SGCZ: variants seen among roughly 807,000 people sequenced by gnomAD.
SGCZ encodes sarcoglycan zeta, also known as zeta-sarcoglycan.
A neutral mutation model predicts 41.3 loss-of-function variants in SGCZ; 40 were observed. That is an observed-to-expected ratio of 0.97 (90% CI 0.75 to 1.26). The LOEUF (loss-of-function observed/expected upper bound fraction) is 1.26, where lower values mean the gene tolerates loss of function less well. SGCZ is among the 50% of genes most tolerant of loss of function. The pLI is 0.00. For synonymous variants in SGCZ, 206 were observed against 137.5 expected, an observed-to-expected ratio of 1.50 and a Z score of -3.49; for missense variants, 552 against 369.8, an observed-to-expected ratio of 1.49 and a Z score of -4.04.
At chr8:14,677,381 C>G (rs996196328) in intron 1 of SGCZ, among the ~76,000 whole-genome samples, 1 of 152,142 alleles carries the variant, frequency 6.6e-6, no homozygotes, top group African/African-American at 2.4e-5. Flanking sequence ...TTCTTCCCAA[C>G]TTGATTCATA....
intron 2 of SGCZ, among the ~76,000 whole-genome samples, chr8:14,369,282 ACT>A (rs1379370778): frequency 1.3e-5 from 2 of 151,684 alleles, no homozygotes; most frequent in Non-Finnish European, 2.9e-5. Flanking sequence ...CTCTCCTTTG[ACT>A]CTCAGTCTGG....
intron 1 of SGCZ, among the ~76,000 whole-genome samples, chr8:14,778,836 G>A (rs946738748): frequency 1.3e-5 from 2 of 152,214 alleles, no homozygotes; most frequent in Non-Finnish European, 2.9e-5. Context: ...AAGTGATGAA[G>A]AGGATATGAA....
At chr8:14,664,234 C>G (rs1405169708) in intron 1 of SGCZ, among the ~76,000 whole-genome samples, 2 of 152,100 alleles carry the variant, frequency 1.3e-5, no homozygotes, top group Non-Finnish European at 2.9e-5. Flanking sequence ...ATTGAGCACA[C>G]AAAAGGCTGA....
chr8:14,187,556 T>G (rs1804945858), intron 4 of SGCZ, among the ~76,000 whole-genome samples: 1 of 151,632 alleles, frequency 6.6e-6, no homozygotes, highest in African/African-American at 2.4e-5. Context: ...AATTCTGGAG[T>G]TGAGAAATAT....
chr8:14,644,456 C>G (rs1215849306), intron 1 of SGCZ, among the ~76,000 whole-genome samples: 1 of 151,754 alleles, frequency 6.6e-6, no homozygotes, highest in Non-Finnish European at 1.5e-5. Context: ...AAGCCTGCCT[C>G]ATAGATTTTA....
At chr8:14,193,338 T>TG (rs1554475941) in intron 4 of SGCZ, among the ~76,000 whole-genome samples, 1 of 151,362 alleles carries the variant, frequency 6.6e-6, no homozygotes. Flanking sequence ...AGCATGCTAT[T>TG]TTTTTTACAA....
chr8:14,288,656 A>T (rs372746354), intron 3 of SGCZ, among the ~76,000 whole-genome samples: 1 of 152,076 alleles, frequency 6.6e-6, no homozygotes, highest in East Asian at 1.9e-4. Context: ...CATTATATGG[A>T]TTTACCATAT....
At chr8:15,173,372 T>C (rs1240050042) in intron 1 of SGCZ, among the ~76,000 whole-genome samples, 1 of 152,160 alleles carries the variant, frequency 6.6e-6, no homozygotes, top group Non-Finnish European at 1.5e-5. Flanking sequence ...CTCAGTTTTC[T>C]CATCTATAAA....
intron 4 of SGCZ, among the ~76,000 whole-genome samples, chr8:14,200,671 T>C (rs1239365674): frequency 6.6e-6 from 1 of 152,092 alleles, no homozygotes; most frequent in Non-Finnish European, 1.5e-5. Flanking sequence ...AAAAAATAAG[T>C]CAAAATAGAT....
At chr8:14,095,852 T>C (rs1031499307) in intron 7 of SGCZ, among the ~76,000 whole-genome samples, 3 of 152,174 alleles carry the variant, frequency 2.0e-5, no homozygotes, top group Admixed American at 6.6e-5. Flanking sequence ...CGTATTTCAT[T>C]CTCTTTGTAG....
At chr8:14,585,144 C>T (rs1042030349) in intron 1 of SGCZ, among the ~76,000 whole-genome samples, 1 of 152,098 alleles carries the variant, frequency 6.6e-6, no homozygotes, top group Non-Finnish European at 1.5e-5. Context: ...TAAACATTAG[C>T]TTTTTGTTAT....
intron 1 of SGCZ, among the ~76,000 whole-genome samples, chr8:15,036,619 G>C (rs1196954325): frequency 6.6e-6 from 1 of 152,088 alleles, no homozygotes; most frequent in Non-Finnish European, 1.5e-5. Context: ...AAGAAAAGTA[G>C]AGGAACTAAT....
intron 1 of SGCZ, among the ~76,000 whole-genome samples, chr8:15,174,046 G>C (rs535904809): frequency 3.3e-5 from 5 of 152,064 alleles, no homozygotes; most frequent in Non-Finnish European, 7.3e-5. Context: ...ATTCTTTTTA[G>C]TGTGCACTTC....
chr8:14,592,638 G>A (rs1297524896), intron 1 of SGCZ, among the ~76,000 whole-genome samples: 1 of 151,548 alleles, frequency 6.6e-6, no homozygotes, highest in Non-Finnish European at 1.5e-5. Flanking sequence ...AAACTTTTAA[G>A]CAAAACAAAT....
At chr8:14,697,119 G>C (rs1368684499) in intron 1 of SGCZ, among the ~76,000 whole-genome samples, 1 of 151,816 alleles carries the variant, frequency 6.6e-6, no homozygotes, top group African/African-American at 2.4e-5. Context: ...CCATCTCCCT[G>C]GTATAACAAA....
At position 14,398,094 on chromosome 8, in the gene SGCZ, A is replaced by C. The variant is rs572099545; in HGVS notation, c.235-73890T>G. Among the ~76,000 whole-genome samples, 25 of 152,194 alleles carry C rather than the reference A, an allele frequency of 1.6e-4. No individual in the cohort carries two copies. The East Asian group carries it at 4.8e-3, about 29-fold the overall frequency. On this transcript the variant is annotated intron_variant, in intron 2 of 7. Transcript: ENST00000382080. Reference sequence around the variant, plus strand: ...TCAAGGGACCCTTTTTGTGACCCTCAATTGACATCAAGTAGTCTAGATTTT... The same window carrying C: ...TCAAGGGACCCTTTTTGTGACCCTCCATTGACATCAAGTAGTCTAGATTTT...
At chr8:14,552,738 G>T (rs1803910451) in intron 2 of SGCZ, among the ~76,000 whole-genome samples, 1 of 152,036 alleles carries the variant, frequency 6.6e-6, no homozygotes, top group African/African-American at 2.4e-5. Flanking sequence ...TCCAGCCTTG[G>T]TGTCAGCATG....
At chr8:14,661,421 A>T (rs892654617) in intron 1 of SGCZ, among the ~76,000 whole-genome samples, 4 of 152,130 alleles carry the variant, frequency 2.6e-5, no homozygotes, top group Non-Finnish European at 5.9e-5. Flanking sequence ...TCCTCTTACA[A>T]TTAAAATGTA....
intron 1 of SGCZ, among the ~76,000 whole-genome samples, chr8:14,696,187 A>G (rs1808954869): frequency 6.6e-6 from 1 of 152,132 alleles, no homozygotes; most frequent in African/African-American, 2.4e-5. Flanking sequence ...ACGTTCTCAA[A>G]AGTGAATCAG....
Sources: gnomAD v4.1 joint callset for allele counts (sites outside exome capture counted in the v4.1 genomes callset) on GRCh38, gnomAD v4.1.1 for gene constraint, MANE v1.5 for transcripts, NCBI Gene and HGNC (gene_info 2026-07-23, HGNC 2026-07-21) for gene names.